BMPR1A: variants seen among roughly 807,000 people sequenced by gnomAD.
BMPR1A encodes bone morphogenetic protein receptor type-1A.
A neutral mutation model predicts 66.0 loss-of-function variants in BMPR1A; 7 were observed. That is an observed-to-expected ratio of 0.11 (90% confidence interval 0.06 to 0.20). The LOEUF is 0.20. Among genes scored for constraint, BMPR1A ranks in the 10% least tolerant of loss-of-function variants. The pLI, the probability that BMPR1A is intolerant of heterozygous loss-of-function variation, is 1.00. For synonymous variants in BMPR1A, 200 were observed against 229.7 expected (o/e 0.87, Z 1.17); for missense variants, 408 against 669.1 (o/e 0.61, Z 4.31).
intron 2 of BMPR1A, among the ~76,000 whole-genome samples, chr10:86,847,686 G>T (rs534425012): frequency 2.0e-5 from 3 of 151,972 alleles, no homozygotes; most frequent in African/African-American, 7.2e-5. Flanking sequence ...ACACACGTGT[G>T]TATGTGTGTG....
At chr10:86,762,298 T>C (rs1167891311) in intron 1 of BMPR1A, among the ~76,000 whole-genome samples, 4 of 152,248 alleles carry the variant, frequency 2.6e-5, no homozygotes, top group African/African-American at 9.6e-5. Context: ...TTATAGGTTA[T>C]AGACCTCGTA....
At chr10:86,879,531 A>G (rs1296849204) in intron 3 of BMPR1A, among the ~76,000 whole-genome samples, 1 of 152,174 alleles carries the variant, frequency 6.6e-6, no homozygotes, top group Non-Finnish European at 1.5e-5. Context: ...CCAGCAAGGG[A>G]AGGAGGAGAA....
At chr10:86,851,314 T>C (rs936493723) in intron 2 of BMPR1A, among the ~76,000 whole-genome samples, 8 of 152,254 alleles carry the variant, frequency 5.3e-5, no homozygotes, top group Non-Finnish European at 8.8e-5. Flanking sequence ...TAGCAAGTTA[T>C]TACTATTTTT....
At chr10:86,797,306 C>G (rs892044393) in intron 1 of BMPR1A, among the ~76,000 whole-genome samples, 1 of 149,842 alleles carries the variant, frequency 6.7e-6, no homozygotes, top group African/African-American at 2.5e-5. Flanking sequence ...TCTCGGTTCA[C>G]TGCAACCTCC....
chr10:86,863,871 G>A lies in BMPR1A; in HGVS notation c.-152-11996G>A, dbSNP rs1360388473. 2.0e-5 allele frequency among the ~76,000 whole-genome samples: 3 copies of A among 152,140 alleles called. No individual in the cohort carries two copies. In the East Asian group the frequency reaches 5.8e-4, roughly 29 times the overall value. ...AAAATTTTTAAATAGTTACATAAGT[G>A]GAAATGATTGATTTTTAAAAATTGC... On this transcript the variant is annotated intron_variant, in intron 2 of 12. Coordinates refer to ENST00000372037, the MANE Select transcript of BMPR1A (RefSeq NM_004329.3).
intron 2 of BMPR1A, among the ~76,000 whole-genome samples, chr10:86,845,908 A>C (rs560585941): frequency 2.0e-3 from 306 of 151,928 alleles, no homozygotes; most frequent in Non-Finnish European, 3.2e-3. Context: ...GAGGCAGGAG[A>C]ATGGCGTGGA....
In BMPR1A at chr10:86,890,033, T is replaced by A. The variant is rs765468141; in HGVS notation, c.68-29T>A. ...AAACAATGAGCTTTTCAGAAATGAT[T>A]TACTTACAAATTCCATATTTGAATG... On this transcript the variant is annotated intron_variant, in intron 3 of 12. Coordinates refer to ENST00000372037, the MANE Select transcript of BMPR1A (RefSeq NM_004329.3). The A allele has an allele frequency of 1.4e-5, 23 of 1,611,136 alleles. No homozygotes were observed. In the Admixed American group the frequency reaches 3.8e-4, roughly 27 times the overall value.
At chr10:86,841,322 C>T (rs1013701030) in intron 2 of BMPR1A, among the ~76,000 whole-genome samples, 13 of 152,130 alleles carry the variant, frequency 8.5e-5, no homozygotes, top group African/African-American at 1.7e-4. Flanking sequence ...TTGATTATTC[C>T]ACACTGTGTA....
intron 1 of BMPR1A, among the ~76,000 whole-genome samples, chr10:86,831,714 G>A (rs1487441164): frequency 2.0e-5 from 3 of 152,130 alleles, no homozygotes; most frequent in Non-Finnish European, 4.4e-5. Flanking sequence ...CAGGGAATTA[G>A]GATTACACCA....
At chr10:86,803,254 A>G (rs1360878925) in intron 1 of BMPR1A, among the ~76,000 whole-genome samples, 1 of 152,116 alleles carries the variant, frequency 6.6e-6, no homozygotes, top group Non-Finnish European at 1.5e-5. Context: ...GGTGTTATTT[A>G]TTTTTATAAA....
In BMPR1A at chr10:86,842,947, T is replaced by C. The variant is rs191860816; in HGVS notation, c.-153+3968T>C. On this transcript the variant is annotated intron_variant, in intron 2 of 12. Coordinates refer to ENST00000372037, the MANE Select transcript of BMPR1A (RefSeq NM_004329.3). ...TCCCTCCCACAACATGGGGGAATTA[T>C]GGGAGCTACAATTCAAGAGGAGATT... Among the ~76,000 whole-genome samples, 5 of 152,250 alleles carry C rather than the reference T, an allele frequency of 3.3e-5. No homozygotes were observed. In the East Asian group the frequency reaches 9.6e-4, roughly 29 times the overall value.
chr10:86,850,627 T>TTTGTTG (rs750294502), intron 2 of BMPR1A, among the ~76,000 whole-genome samples: 1 of 151,970 alleles, frequency 6.6e-6, no homozygotes, highest in Non-Finnish European at 1.5e-5. Flanking sequence ...AGCTCAAAGT[T>TTTGTTG]TTGTTGTTGT....
intron 2 of BMPR1A, among the ~76,000 whole-genome samples, chr10:86,850,118 T>G (rs1842546961): frequency 6.6e-6 from 1 of 151,980 alleles, no homozygotes. Context: ...GTCAGGAGTT[T>G]GAGACCAGCC....
chr10:86,881,649 A>T (rs1842987677), intron 3 of BMPR1A, among the ~76,000 whole-genome samples: 1 of 152,214 alleles, frequency 6.6e-6, no homozygotes, highest in Non-Finnish European at 1.5e-5. Context: ...AGAGAACAAG[A>T]GGACATGTTA....
At chr10:86,883,871 C>CTTTTTTTTTTT (rs111255462) in intron 3 of BMPR1A, among the ~76,000 whole-genome samples, 1 of 135,250 alleles carries the variant, frequency 7.4e-6, no homozygotes, top group Non-Finnish European at 1.6e-5. Context: ...GAGCGTATGA[C>CTTTTTTTTTTT]TTTTTTTTTT....
rs757383288 is a variant in BMPR1A at position 86,805,542 on chromosome 10, A to C, written c.-267-33323A>C. Among the ~76,000 whole-genome samples the C allele has an allele frequency of 9.6e-5, 14 of 145,866 alleles. No individual in the cohort carries two copies. The South Asian group carries it at 1.5e-3, about 16-fold the overall frequency. ...AGTGGCAGGATCTTGGCTCACTGCA[A>C]CCTCCACCTCCCCAGTTCAAGCAAT... On this transcript the variant is annotated intron_variant, in intron 1 of 12. Coordinates refer to ENST00000372037, the MANE Select transcript of BMPR1A (RefSeq NM_004329.3).
chr10:86,765,820 T>C (rs143986784), intron 1 of BMPR1A, among the ~76,000 whole-genome samples: 6 of 152,314 alleles, frequency 3.9e-5, no homozygotes, highest in African/African-American at 7.2e-5. Context: ...AGATTGCCAC[T>C]GTTGAAAGTA....
chr10:86,853,707 C>CA (rs538465959), intron 2 of BMPR1A, among the ~76,000 whole-genome samples: 99 of 152,228 alleles, frequency 6.5e-4, no homozygotes, highest in African/African-American at 2.3e-3. Context: ...TGATGCCCCA[C>CA]AAGCCGTGAA....
At chr10:86,762,978 C>A (rs1841093001) in intron 1 of BMPR1A, among the ~76,000 whole-genome samples, 1 of 152,094 alleles carries the variant, frequency 6.6e-6, no homozygotes, top group Non-Finnish European at 1.5e-5. Context: ...CTCACTGCAA[C>A]CTCTACCTCC....
Sources: allele counts gnomAD v4.1 joint callset (sites outside exome capture counted in the v4.1 genomes callset), GRCh38; gene constraint gnomAD v4.1.1; transcripts MANE v1.5; gene names NCBI Gene and HGNC (gene_info 2026-07-23, HGNC 2026-07-21).